Variants in COG5 observed in about 807,000 individuals in gnomAD.
COG5 encodes conserved oligomeric Golgi complex subunit 5.
COG5 carries 86 observed loss-of-function variants against 110.4 expected under a neutral mutation model. The observed-to-expected ratio is 0.78, with a 90% CI of 0.65 to 0.93. COG5 has a LOEUF of 0.93. Ranked by LOEUF, COG5 falls within the 40% of genes least tolerant of loss-of-function variation. COG5 has a pLI of 0.00. For synonymous variants in COG5, 360 were observed against 334.6 expected (o/e 1.08, Z -0.83); for missense variants, 1,077 against 987.0 (o/e 1.09, Z -1.22).
intron 7 of COG5, among the ~76,000 whole-genome samples, chr7:107,402,357 C>T (rs1386722214): frequency 6.6e-6 from 1 of 152,144 alleles, no homozygotes; most frequent in Non-Finnish European, 1.5e-5. Context: ...ATCCTCTTTC[C>T]TGATGACCTC....
rs1798386570 is a variant in COG5, at chr7:107,202,271, G to A, written c.*1245C>T. 3 of 152,624 alleles carry A rather than the reference G, an allele frequency of 2.0e-5. No individual in the cohort carries two copies. Among genetic ancestry groups the A allele is most frequent in the Non-Finnish European group, 4.4e-5 (3 of 68,036 alleles). 9.5% of individuals were successfully genotyped at this position (152,624 alleles called of 1,614,324 possible). On this transcript the variant is annotated 3_prime_UTR_variant, in exon 22 of 22. Coordinates refer to ENST00000297135, the MANE Select transcript of COG5 (RefSeq NM_006348.5). ...GGTGGGGGCAGACTTTGCACTTACTGCAGTGCAACACTTGCACTTTAATTT... is the reference window on the plus strand; with the variant it reads ...GGTGGGGGCAGACTTTGCACTTACTACAGTGCAACACTTGCACTTTAATTT...
intron 19 of COG5, among the ~76,000 whole-genome samples, chr7:107,216,776 A>G (rs1799563958): frequency 6.6e-6 from 1 of 152,204 alleles, no homozygotes; most frequent in Admixed American, 6.5e-5. Context: ...ATTTATAGCA[A>G]CAAATACTTA....
chr7:107,373,185 T>C (rs79640131), intron 7 of COG5, among the ~76,000 whole-genome samples: 2,739 of 152,284 alleles, frequency 0.018, 89 homozygotes, highest in African/African-American at 0.06. Context: ...ACTTATTCAT[T>C]ATATTTCACT....
intron 6 of COG5, among the ~76,000 whole-genome samples, chr7:107,503,616 A>T (rs1798775561): frequency 6.6e-6 from 1 of 152,166 alleles, no homozygotes; most frequent in Non-Finnish European, 1.5e-5. Flanking sequence ...CACAATATTG[A>T]TTCTTCCAAT....
At chr7:107,491,955 CA>C (rs1490761025) in intron 6 of COG5, among the ~76,000 whole-genome samples, 5 of 151,930 alleles carry the variant, frequency 3.3e-5, no homozygotes, top group Non-Finnish European at 7.4e-5. Flanking sequence ...TGCATAATTC[CA>C]AAACAGACAC....
chr7:107,288,802 TTAAATA>T (rs1357652629), intron 12 of COG5, among the ~76,000 whole-genome samples: 1 of 150,858 alleles, frequency 6.6e-6, no homozygotes, highest in Non-Finnish European at 1.5e-5. Context: ...AAAATATCAT[TTAAATA>T]TAATTTTGTC....
chr7:107,491,728 A>G (rs1006328925), intron 6 of COG5, among the ~76,000 whole-genome samples: 5 of 152,170 alleles, frequency 3.3e-5, no homozygotes, highest in Non-Finnish European at 1.5e-5. Context: ...GATTCCTCAC[A>G]ATACAATGTG....
chr7:107,205,086 C>T (rs1462276049), intron 21 of COG5, among the ~76,000 whole-genome samples: 2 of 152,162 alleles, frequency 1.3e-5, no homozygotes, highest in African/African-American at 4.8e-5. Context: ...TTGCTGTAGC[C>T]TCTTAAGGTG....
At chr7:107,513,018 A>T (rs1209077509) in intron 6 of COG5, among the ~76,000 whole-genome samples, 1 of 152,286 alleles carries the variant, frequency 6.6e-6, no homozygotes, top group African/African-American at 2.4e-5. Flanking sequence ...CACCAAAAGC[A>T]ATGGCAACAA....
chr7:107,415,787 C>T (rs1162851159), intron 6 of COG5, among the ~76,000 whole-genome samples: 2 of 132,848 alleles, frequency 1.5e-5, no homozygotes, highest in South Asian at 2.4e-4. Flanking sequence ...CACACATACA[C>T]GTATGTATGT....
At chr7:107,497,076 G>A (rs1484172788) in intron 6 of COG5, among the ~76,000 whole-genome samples, 1 of 152,084 alleles carries the variant, frequency 6.6e-6, no homozygotes, top group Non-Finnish European at 1.5e-5. Context: ...AGCCAGGCAT[G>A]GTGGCATGCC....
At chr7:107,462,535 C>T (rs1056189114) in intron 6 of COG5, among the ~76,000 whole-genome samples, 3 of 148,064 alleles carry the variant, frequency 2.0e-5, no homozygotes, top group Admixed American at 6.8e-5. Context: ...CCTTAAACCC[C>T]AGAGGGAAAG....
chr7:107,294,285 T>C (rs1354496825), intron 12 of COG5, among the ~76,000 whole-genome samples: 1 of 152,188 alleles, frequency 6.6e-6, no homozygotes, highest in Admixed American at 6.5e-5. Context: ...GATTCCCCTG[T>C]CCTCTCAAAT....
In COG5 at chr7:107,514,162, A is replaced by G. The variant is rs1178663600; in HGVS notation, c.538+13075T>C. On this transcript the variant is annotated intron_variant, in intron 6 of 21. Coordinates refer to ENST00000297135, the MANE Select transcript of COG5 (RefSeq NM_006348.5). ...AGAAAATAGACCATAAGCGATTAAA[A>G]TTAGTAGAGGAAATATTTTCTATCA... is the stretch of plus-strand genomic sequence containing the variant. 2.0e-5 allele frequency among the ~76,000 whole-genome samples: 3 copies of G among 152,144 alleles called. No individual in the cohort carries two copies. The East Asian group carries it at 5.8e-4, about 29-fold the overall frequency.
chr7:107,341,055 T>C (rs1562976720), intron 10 of COG5, among the ~76,000 whole-genome samples: 2 of 151,926 alleles, frequency 1.3e-5, no homozygotes, highest in Admixed American at 1.3e-4. Context: ...AAAGAAAAAA[T>C]AGCATCCAAT....
chr7:107,323,354 C>T (rs1244323100), intron 11 of COG5, among the ~76,000 whole-genome samples: 1 of 152,018 alleles, frequency 6.6e-6, no homozygotes, highest in Non-Finnish European at 1.5e-5. Context: ...CATGGTGAAA[C>T]CCCGTCTTTA....
At chr7:107,350,686 G>C (rs920769296) in intron 10 of COG5, among the ~76,000 whole-genome samples, 2 of 152,132 alleles carry the variant, frequency 1.3e-5, no homozygotes, top group Non-Finnish European at 2.9e-5. Context: ...TTCCTCTACA[G>C]AGGAACTGCA....
At chr7:107,355,822 T>C (rs1812578841) in intron 10 of COG5, among the ~76,000 whole-genome samples, 1 of 152,240 alleles carries the variant, frequency 6.6e-6, no homozygotes, top group Non-Finnish European at 1.5e-5. Flanking sequence ...GAAGTGAAAC[T>C]AGTAAAACCA....
intron 5 of COG5, 96 bp from the exon 6 acceptor site, chr7:107,527,453 C>T: frequency 1.5e-6 from 2 of 1,339,772 alleles, no homozygotes; most frequent in Non-Finnish European, 2.1e-6. Context: ...ATAGGTGCAG[C>T]AAACCACCAT....
Sources: gnomAD v4.1 joint callset for allele counts (sites outside exome capture counted in the v4.1 genomes callset) on GRCh38, gnomAD v4.1.1 for gene constraint, MANE v1.5 for transcripts, NCBI Gene and HGNC (gene_info 2026-07-23, HGNC 2026-07-21) for gene names.